The following CSMD1 variants were observed in gnomAD, a reference collection of about 807,000 sequenced individuals.
CSMD1 encodes CUB and Sushi multiple domains 1.
In CSMD1, 213 loss-of-function variants were observed where a neutral mutation model predicts 417.5. That is an observed-to-expected ratio of 0.51 (90% CI 0.46 to 0.57). The LOEUF (loss-of-function observed/expected upper bound fraction) is 0.57, where lower values mean the gene tolerates loss of function less well. Ranked by LOEUF, CSMD1 falls within the 20% of genes least tolerant of loss-of-function variation. The pLI, the probability that CSMD1 is intolerant of heterozygous loss-of-function variation, is 0.00. For missense variants in CSMD1, 6,923 were observed against 4,529.7 expected (o/e 1.53, Z -15.17); for synonymous variants, 2,862 against 1,736.8 (o/e 1.65, Z -16.11).
intron 12 of CSMD1, among the ~76,000 whole-genome samples, chr8:3,462,502 C>T (rs904871109): frequency 7.2e-5 from 11 of 152,072 alleles, no homozygotes; most frequent in South Asian, 2.1e-4. Flanking sequence ...ACTGCACATG[C>T]GAGGGATCTA....
Position 4,030,658 on chromosome 8 carries a change from G to C in CSMD1, c.610+1247C>G, listed in dbSNP as rs146543712. On this transcript the variant is annotated intron_variant, in intron 4 of 69. Transcript: ENST00000635120. ...CTGGAGGCATTTTCCCCATGGTCTT[G>C]GGGATTAACTTTTGGCTTCTTGTTA... is the stretch of plus-strand genomic sequence containing the variant. Among the ~76,000 whole-genome samples the C allele has an allele frequency of 4.9e-3, 750 of 152,286 alleles. 6 individuals carry two copies. The highest frequency in any genetic ancestry group is 0.017 in the African/African-American group (716 of 41,572).
chr8:4,307,094 G>C (rs1397187066), intron 3 of CSMD1, among the ~76,000 whole-genome samples: 1 of 152,018 alleles, frequency 6.6e-6, no homozygotes, highest in Admixed American at 6.6e-5. Context: ...AATTTCAATT[G>C]TTTTATCTCT....
chr8:4,596,590 A>G (rs1000142090), intron 2 of CSMD1, among the ~76,000 whole-genome samples: 8 of 152,140 alleles, frequency 5.3e-5, no homozygotes, highest in African/African-American at 1.9e-4. Flanking sequence ...TCTGAAGTGC[A>G]TATATTCTTC....
intron 1 of CSMD1, among the ~76,000 whole-genome samples, chr8:4,753,851 A>G (rs1207881267): frequency 1.3e-5 from 2 of 152,176 alleles, no homozygotes; most frequent in African/African-American, 4.8e-5. Context: ...GTGATAATTG[A>G]ACTAGATTCC....
chr8:2,983,726 T>C (rs991061862), intron 54 of CSMD1, among the ~76,000 whole-genome samples: 3 of 152,210 alleles, frequency 2.0e-5, no homozygotes, highest in Admixed American at 6.5e-5. Flanking sequence ...AAAGAAAGTA[T>C]AAGCAACTAT....
chr8:3,538,388 T>C (rs1012460283), intron 10 of CSMD1, among the ~76,000 whole-genome samples: 1 of 152,092 alleles, frequency 6.6e-6, no homozygotes, highest in East Asian at 1.9e-4. Context: ...ACACCTGGGC[T>C]GGTGCACCTG....
At chr8:4,165,004 T>C (rs1797373587) in intron 3 of CSMD1, among the ~76,000 whole-genome samples, 1 of 152,204 alleles carries the variant, frequency 6.6e-6, no homozygotes, top group Admixed American at 6.5e-5. Flanking sequence ...TCCTATGTTC[T>C]TGTATGTTTT....
At chr8:3,641,721 G>C (rs1797316959) in intron 7 of CSMD1, among the ~76,000 whole-genome samples, 1 of 152,126 alleles carries the variant, frequency 6.6e-6, no homozygotes, top group Non-Finnish European at 1.5e-5. Flanking sequence ...CAGGCTAAAT[G>C]GAAATGTTTG....
intron 10 of CSMD1, among the ~76,000 whole-genome samples, chr8:3,554,598 T>C (rs920838025): frequency 2.6e-5 from 4 of 152,186 alleles, no homozygotes; most frequent in East Asian, 1.9e-4. Context: ...AGGCACAGCA[T>C]GGCCAGGCCA....
At chr8:4,975,289 T>C (rs759137796) in intron 1 of CSMD1, among the ~76,000 whole-genome samples, 47 of 152,228 alleles carry the variant, frequency 3.1e-4, no homozygotes, top group Admixed American at 1.6e-3. Flanking sequence ...ATATCTGCTG[T>C]ATATCATTTG....
intron 5 of CSMD1, among the ~76,000 whole-genome samples, chr8:3,931,108 C>T (rs1186548464): frequency 6.6e-6 from 1 of 150,532 alleles, no homozygotes; most frequent in Non-Finnish European, 1.5e-5. Context: ...ATCATTAAAG[C>T]CTAGGCCGAT....
chr8:4,311,189 C>G (rs571716344), intron 3 of CSMD1, among the ~76,000 whole-genome samples: 7 of 152,260 alleles, frequency 4.6e-5, no homozygotes, highest in Non-Finnish European at 1.0e-4. Flanking sequence ...ACCATAAAGA[C>G]ACATGCACGT....
chr8:4,365,787 C>G (rs1186091453), intron 3 of CSMD1, among the ~76,000 whole-genome samples: 1 of 152,182 alleles, frequency 6.6e-6, no homozygotes, highest in Non-Finnish European at 1.5e-5. Flanking sequence ...GTCCTGATTA[C>G]TCTTGGCATT....
chr8:3,818,225 C>A, intron 5 of CSMD1, among the ~76,000 whole-genome samples: 1 of 152,034 alleles, frequency 6.6e-6, no homozygotes, highest in Non-Finnish European at 1.5e-5. Context: ...AGAGCCCACC[C>A]CAAGATGCAG....
chr8:3,673,553 G>C (rs569563484), intron 7 of CSMD1, among the ~76,000 whole-genome samples: 3 of 152,120 alleles, frequency 2.0e-5, no homozygotes, highest in South Asian at 4.1e-4. Flanking sequence ...ATTTCACAAA[G>C]AGCCTACCCT....
At position 3,399,419 on chromosome 8, in the gene CSMD1, C is replaced by G. The variant is rs1252901564; in HGVS notation, c.2377G>C (p.Gly793Arg). Residue 793 changes from glycine (G) to arginine (R), a missense_variant, in exon 16 of 70, where the codon GGC becomes CGC. By Grantham distance (125) the Gly-to-Arg change is moderately radical (BLOSUM62 -2). Transcript: ENST00000635120. Reference sequence around the variant, plus strand: ...TCAAAAGTTATTTTGATAGAGTGGCCTGGTTTTGCTTCAATTATCCATTCA... The same window carrying G: ...TCAAAAGTTATTTTGATAGAGTGGCGTGGTTTTGCTTCAATTATCCATTCA... ...HCEWIIEAKP[G>R]HSIKITFDRF... The G allele has an allele frequency of 6.2e-7, 1 of 1,606,358 alleles. No homozygotes were observed. The highest frequency in any genetic ancestry group is 1.7e-5 in the Admixed American group (1 of 58,776).
chr8:4,760,535 C>A lies in CSMD1; in HGVS notation c.86-122977G>T, dbSNP rs893229904. ...TAGAAAGCTTTTAAATTTGAATATT[C>A]TTTAGACATATATTATTGGCAAGCA... On this transcript the variant is annotated intron_variant, in intron 1 of 69. Transcript: ENST00000635120. Among the ~76,000 whole-genome samples the A allele has an allele frequency of 2.0e-5, 3 of 151,972 alleles. No homozygotes were observed. In the South Asian group the frequency reaches 6.2e-4, roughly 32 times the overall value.
At chr8:3,326,096 G>A (rs1336546536) in intron 23 of CSMD1, among the ~76,000 whole-genome samples, 1 of 152,170 alleles carries the variant, frequency 6.6e-6, no homozygotes, top group African/African-American at 2.4e-5. Context: ...TACAGCCACA[G>A]AATGCTTGGC....
intron 5 of CSMD1, among the ~76,000 whole-genome samples, chr8:3,863,733 T>G (rs78967838): frequency 0.015 from 2,220 of 152,338 alleles, 18 homozygotes; most frequent in Non-Finnish European, 0.017. Flanking sequence ...CAGATTTTGT[T>G]TTCATTTCAA....
Sources: allele counts gnomAD v4.1 joint callset (sites outside exome capture counted in the v4.1 genomes callset), GRCh38; gene constraint gnomAD v4.1.1; transcripts MANE v1.5; gene names NCBI Gene and HGNC (gene_info 2026-07-23, HGNC 2026-07-21).